HEPHL1: variants seen among roughly 807,000 people sequenced by gnomAD.
The protein encoded by HEPHL1 is hephaestin like 1.
In HEPHL1, 123 loss-of-function variants were observed where a neutral mutation model predicts 122.0. The ratio of observed to expected loss-of-function variants is 1.01; its 90% confidence interval spans 0.87 to 1.17. HEPHL1 has a LOEUF of 1.17. Ranked by LOEUF, HEPHL1 falls within the 50% of genes most tolerant of loss-of-function variation. The pLI, the probability that HEPHL1 is intolerant of heterozygous loss-of-function variation, is 0.00. For missense variants in HEPHL1, 1,452 were observed against 1,430.5 expected, an observed-to-expected ratio of 1.01 and a Z score of -0.24; for synonymous variants, 527 against 508.9, an observed-to-expected ratio of 1.04 and a Z score of -0.48.
In HEPHL1 at chr11:94,106,060, A is replaced by T. The variant is rs769853948; in HGVS notation, c.2975A>T (p.Tyr992Phe). 2.6e-5 allele frequency: 41 copies of T among 1,600,276 alleles called. No individual in the cohort carries two copies. Among genetic ancestry groups the T allele is most frequent in the Non-Finnish European group, 3.5e-5 (41 of 1,170,630 alleles). Reference protein sequence around the residue: ...IMNEDTMTNWYLLGIGSEVDI... With the variant: ...IMNEDTMTNWFLLGIGSEVDI... ...AACGAAGATACAATGACAAACTGGT[A>T]TTTGTTAGGGATAGGAAGTGAAGTG... Residue 992 changes from tyrosine to phenylalanine, a missense_variant, in exon 17 of 20, where the codon TAT becomes TTT. Tyr to Phe is a conservative substitution (Grantham distance 22). Transcript: ENST00000315765.
At chr11:94,066,373 G>A (rs907178694) in intron 4 of HEPHL1, among the ~76,000 whole-genome samples, 10 of 152,160 alleles carry the variant, frequency 6.6e-5, no homozygotes, top group Non-Finnish European at 1.5e-4. Context: ...TGGCCAACAT[G>A]GCAAAACCTG....
chr11:94,048,923 C>A (rs1373697635), intron 2 of HEPHL1, among the ~76,000 whole-genome samples: 1 of 152,018 alleles, frequency 6.6e-6, no homozygotes, highest in Non-Finnish European at 1.5e-5. Flanking sequence ...GCATTTGAGA[C>A]CAGCCTGGCC....
intron 1 of HEPHL1, among the ~76,000 whole-genome samples, chr11:94,029,971 A>G (rs758952495): frequency 2.6e-5 from 4 of 152,156 alleles, no homozygotes; most frequent in Non-Finnish European, 5.9e-5. Context: ...GCAGGAGTAC[A>G]TATGTGAAGA....
rs577714289 is a variant in HEPHL1 at position 94,082,545 on chromosome 11, T to C, written c.1844T>C (p.Phe615Ser). The change falls in exon 10 of 20, where the codon TTT becomes TCT. Residue 615 changes from phenylalanine to serine, a missense_variant. Physicochemically the swap from Phe to Ser is radical, Grantham distance 155. Coordinates refer to ENST00000315765, the MANE Select transcript of HEPHL1 (RefSeq NM_001098672.2). ...AGCATTGACAAAGAAGATAAAGAGT[T>C]TGTGAAATCCAACCGAATGCATGGT... Reference protein sequence around the residue: ...PFSIDKEDKEFVKSNRMHAVN... With the variant: ...PFSIDKEDKESVKSNRMHAVN... 15 of 1,611,502 alleles carry C rather than the reference T, an allele frequency of 9.3e-6. No individual in the cohort carries two copies. In the East Asian group the frequency reaches 3.3e-4, roughly 36 times the overall value.
At chr11:94,040,987 C>T (rs1362633150) in intron 1 of HEPHL1, among the ~76,000 whole-genome samples, 1 of 116,864 alleles carries the variant, frequency 8.6e-6, no homozygotes, top group African/African-American at 3.4e-5. Flanking sequence ...TCGTCTCAGC[C>T]CAAAATCTCC....
At chr11:94,078,218 C>T (rs888292340) in intron 9 of HEPHL1, among the ~76,000 whole-genome samples, 3 of 152,018 alleles carry the variant, frequency 2.0e-5, no homozygotes, top group Non-Finnish European at 2.9e-5. Flanking sequence ...ATATTACACA[C>T]ATCTTAAACA....
intron 1 of HEPHL1, among the ~76,000 whole-genome samples, chr11:94,044,764 T>C (rs922753198): frequency 4.7e-5 from 4 of 85,066 alleles, no homozygotes; most frequent in African/African-American, 6.0e-5. Context: ...TCTCCAAACC[T>C]TTTTTTTTTT....
Position 94,063,612 on chromosome 11 carries a change from C to T in HEPHL1, c.520C>T (p.Pro174Ser). 6.2e-7 allele frequency: 1 copy of T among 1,613,814 alleles called. No individual in the cohort carries two copies. The change falls in exon 3 of 20, where the codon CCT becomes TCT. Residue 174 changes from proline to serine, a missense_variant. Coordinates refer to ENST00000315765, the MANE Select transcript of HEPHL1 (RefSeq NM_001098672.2). ...YVWPVREEYA[P>S]TPADANCLTW... ...CTGGCCGGTGAGAGAAGAATATGCA[C>T]CTACTCCAGCCGATGCCAACTGCCT... is the stretch of plus-strand genomic sequence containing the variant.
At position 94,063,489 on chromosome 11, in the gene HEPHL1, TAA is replaced by T. The variant is rs1591474336; in HGVS notation, c.416-18_416-17del. ...TTTAACTATGTTTTACCTTTTTTTT[TAA>T]TTTTATTTTTTGGAAGGAGCCCTAT... On this transcript the variant is annotated splice_polypyrimidine_tract_variant and intron_variant, in intron 2 of 19. Transcript: ENST00000315765. 1 of 1,542,438 alleles carries T rather than the reference TAA, an allele frequency of 6.5e-7. No individual in the cohort carries two copies. Among genetic ancestry groups the T allele is most frequent in the Admixed American group, 2.0e-5 (1 of 51,178 alleles).
At chr11:94,055,107 A>T (rs1199981152) in intron 2 of HEPHL1, 1 of 192,714 alleles carries the variant, frequency 5.2e-6, no homozygotes, top group Non-Finnish European at 1.1e-5. Context: ...ATGTAATATC[A>T]TCTGCAGCTT....
At chr11:94,087,575 G>T (rs1946228490) in intron 11 of HEPHL1, among the ~76,000 whole-genome samples, 1 of 151,990 alleles carries the variant, frequency 6.6e-6, no homozygotes, top group Non-Finnish European at 1.5e-5. Context: ...ATTATTATTA[G>T]TTTTGTTTTC....
chr11:94,101,328 A>G lies in HEPHL1; in HGVS notation c.2568A>G (p.Thr856=), dbSNP rs1348708856. The part of the protein sequence containing the change: ...DSGKQFQVPM[T]KPGEVKTYRW... ...GAAAGCAATTCCAAGTGCCCATGAC[A>G]AAACCAGGTAAGTTGTGTCAGAGGT... The change falls in exon 14 of 20, where the codon ACA becomes ACG. Residue 856 remains threonine, a synonymous_variant. Transcript: ENST00000315765. 2 of 1,611,890 alleles carry G rather than the reference A, an allele frequency of 1.2e-6. No individual in the cohort carries two copies.
intron 4 of HEPHL1, among the ~76,000 whole-genome samples, chr11:94,065,529 T>C (rs1002379776): frequency 6.6e-6 from 1 of 152,226 alleles, no homozygotes; most frequent in African/African-American, 2.4e-5. Flanking sequence ...TTGTATTGCA[T>C]GCCTTCTTTT....
At chr11:94,027,605 A>T (rs1945637187) in intron 1 of HEPHL1, among the ~76,000 whole-genome samples, 1 of 152,224 alleles carries the variant, frequency 6.6e-6, no homozygotes, top group Admixed American at 6.5e-5. Context: ...AATCCTTATG[A>T]TAGCTCTACC....
intron 12 of HEPHL1, among the ~76,000 whole-genome samples, chr11:94,090,514 G>A (rs1258095764): frequency 6.6e-6 from 1 of 152,174 alleles, no homozygotes; most frequent in Admixed American, 6.5e-5. Flanking sequence ...AAATGTGCTG[G>A]TGGGGAAGGG....
chr11:94,074,070 T>A (rs565486631), intron 8 of HEPHL1, among the ~76,000 whole-genome samples: 3 of 152,074 alleles, frequency 2.0e-5, no homozygotes, highest in Non-Finnish European at 2.9e-5. Context: ...TTGGTACTCA[T>A]CCCTATTACT....
rs369964780 is a variant in HEPHL1, at chr11:94,067,479, C to T, written c.809-17C>T. On this transcript the variant is annotated splice_polypyrimidine_tract_variant and intron_variant, in intron 4 of 19. Transcript: ENST00000315765. The stretch of plus-strand genomic sequence containing the variant: ...TCTGCAGGGGAGTCTCTTCCACTAG[C>T]GTGTTTCTGTTTCCAGCCCTCAATG... The T allele has an allele frequency of 2.0e-5, 32 of 1,610,174 alleles. No homozygotes were observed. Among genetic ancestry groups the T allele is most frequent in the Admixed American group, 5.0e-5 (3 of 59,942 alleles).
At chr11:94,050,388 A>T (rs1159170724) in intron 2 of HEPHL1, among the ~76,000 whole-genome samples, 1 of 152,160 alleles carries the variant, frequency 6.6e-6, no homozygotes, top group African/African-American at 2.4e-5. Flanking sequence ...TAGTAGTGAG[A>T]CCAGATATTC....
intron 17 of HEPHL1, among the ~76,000 whole-genome samples, chr11:94,110,455 A>C (rs562833865): frequency 1.2e-4 from 18 of 152,332 alleles, no homozygotes; most frequent in African/African-American, 4.3e-4. Context: ...TCAGCTCCTG[A>C]TCATGTGGAT....
Sources: gnomAD v4.1 joint callset for allele counts (sites outside exome capture counted in the v4.1 genomes callset) on GRCh38, gnomAD v4.1.1 for gene constraint, MANE v1.5 for transcripts, NCBI Gene and HGNC (gene_info 2026-07-23, HGNC 2026-07-21) for gene names.